MORC4: variants seen among roughly 807,000 people sequenced by gnomAD.
MORC4 encodes MORC family CW-type zinc finger protein 4.
Under a neutral mutation model 65.5 loss-of-function variants are expected in MORC4, and 22 were observed. That is an observed-to-expected ratio of 0.34 (90% CI 0.24 to 0.48). The LOEUF is 0.48. Among genes scored for constraint, MORC4 ranks in the 20% least tolerant of loss-of-function variants. The pLI is 0.99. For synonymous variants in MORC4, 267 were observed against 255.8 expected (o/e 1.04, Z -0.42); for missense variants, 624 against 703.0 (o/e 0.89, Z 1.27).
intron 3 of MORC4, among the ~76,000 whole-genome samples, chrX:106,992,515 G>A (rs1441155229): frequency 8.9e-6 from 1 of 112,564 alleles, no homozygotes. Flanking sequence ...ATAAATTTAC[G>A]TTCTCAACTA....
chrX:106,981,644 C>G (rs936165459), intron 5 of MORC4, among the ~76,000 whole-genome samples, 167 bp from the exon 6 acceptor site: 2 of 111,896 alleles, frequency 1.8e-5, no homozygotes, highest in African/African-American at 3.2e-5. Context: ...GGTAGAGGAT[C>G]AGACAATACT....
At chrX:106,948,940 T>TGAAAA (rs1933910593) in intron 14 of MORC4, among the ~76,000 whole-genome samples, 1 of 111,837 alleles carries the variant, frequency 8.9e-6, no homozygotes, top group Non-Finnish European at 1.9e-5. Context: ...CCTAGATGTA[T>TGAAAA]ACATTAATGT....
chrX:106,948,887 C>T (rs1399459439), intron 14 of MORC4, among the ~76,000 whole-genome samples: 1 of 111,424 alleles, frequency 9.0e-6, no homozygotes, highest in Admixed American at 9.5e-5. Context: ...ATGTGTCTGG[C>T]AATGAATCTC....
chrX:106,964,163 T>C (rs889182384), intron 9 of MORC4, among the ~76,000 whole-genome samples: 2 of 111,316 alleles, frequency 1.8e-5, no homozygotes, highest in Admixed American at 1.9e-4. Context: ...ATAAGCAAAA[T>C]AGAAAATCAA....
At chrX:106,943,334 G>C (rs767601098) in intron 14 of MORC4, 129 bp from the exon 15 acceptor site, 306 of 501,253 alleles carry the variant, frequency 6.1e-4, no homozygotes, top group South Asian at 8.4e-4. Context: ...ACAAGTCCAG[G>C]TTAGGGATAC....
chrX:106,994,313 G>A (rs747820061), intron 2 of MORC4, among the ~76,000 whole-genome samples: 4 of 111,670 alleles, frequency 3.6e-5, no homozygotes, highest in Non-Finnish European at 5.6e-5. Flanking sequence ...CAATCTGTTG[G>A]ATAGGTTCCT....
Position 106,940,852 on chromosome X carries a change from C to G in MORC4, c.*627G>C, listed in dbSNP as rs1480576627. Reference sequence around the variant, plus strand: ...AAAATATCAACCATAGTCCTACCACCTAAAGAACACTCACTGACAGTGTGG... The same window carrying G: ...AAAATATCAACCATAGTCCTACCACGTAAAGAACACTCACTGACAGTGTGG... On this transcript the variant is annotated 3_prime_UTR_variant, in exon 17 of 17. Coordinates refer to ENST00000355610, the MANE Select transcript of MORC4 (RefSeq NM_024657.5). 1 of 111,648 alleles carries G rather than the reference C, an allele frequency of 9.0e-6. No homozygotes were observed. Among genetic ancestry groups the G allele is most frequent in the African/African-American group, 3.3e-5 (1 of 30,636 alleles). The allele number at this position is 111,648 out of a possible 1,213,427, so 9.2% of individuals were successfully genotyped here. A position where few individuals can be genotyped will look rare whatever the true frequency, so the allele number is the denominator to read the frequency against.
intron 9 of MORC4, among the ~76,000 whole-genome samples, chrX:106,969,816 G>A (rs1281156971): frequency 1.8e-5 from 2 of 111,872 alleles, no homozygotes; most frequent in African/African-American, 6.5e-5. Flanking sequence ...AACAGGCTCT[G>A]AAATTGAGGC....
chrX:106,978,790 A>G (rs1372287641), intron 7 of MORC4, among the ~76,000 whole-genome samples: 1 of 111,882 alleles, frequency 8.9e-6, no homozygotes. Flanking sequence ...AAATGGTCCA[A>G]TACAAATCTG....
chrX:106,965,176 T>C (rs1483730718), intron 9 of MORC4, among the ~76,000 whole-genome samples: 2 of 112,095 alleles, frequency 1.8e-5, no homozygotes, highest in Admixed American at 9.5e-5. Flanking sequence ...TGTAATTCTG[T>C]GATAACAACT....
chrX:106,990,805 C>A (rs1264659708), intron 3 of MORC4, among the ~76,000 whole-genome samples: 1 of 110,748 alleles, frequency 9.0e-6, no homozygotes, highest in African/African-American at 3.3e-5. Context: ...CCAGGAGGGG[C>A]AGGTTGCAAT....
Position 106,999,978 on chromosome X carries a change from C to T in MORC4, c.-9G>A. Reference sequence around the variant, plus strand: ...CCTCGGTACAGGAGCATTTTTTTGGCCGCCACGGTACCCGTCTGCTGCCGC... The same window carrying T: ...CCTCGGTACAGGAGCATTTTTTTGGTCGCCACGGTACCCGTCTGCTGCCGC... On this transcript the variant is annotated 5_prime_UTR_variant, in exon 1 of 17. Coordinates refer to ENST00000355610, the MANE Select transcript of MORC4 (RefSeq NM_024657.5). 1.2e-6 allele frequency: 1 copy of T among 835,506 alleles called. No individual in the cohort carries two copies. Among genetic ancestry groups the T allele is most frequent in the Non-Finnish European group, 1.5e-6 (1 of 674,288 alleles). 68.9% of individuals were successfully genotyped at this position (835,506 alleles called of 1,213,427 possible). A position where few individuals can be genotyped will look rare whatever the true frequency, so the allele number is the denominator to read the frequency against.
At chrX:106,971,962 T>C (rs1934524286) in intron 9 of MORC4, among the ~76,000 whole-genome samples, 2 of 111,946 alleles carry the variant, frequency 1.8e-5, no homozygotes, top group South Asian at 7.6e-4. Context: ...GCAATCCCAT[T>C]ACTGGGTATA....
chrX:106,949,315 C>A (rs974864699), intron 14 of MORC4, among the ~76,000 whole-genome samples: 1 of 111,565 alleles, frequency 9.0e-6, no homozygotes, highest in African/African-American at 3.3e-5. Context: ...TCCTTTAGTT[C>A]TTTGAATGTG....
chrX:106,987,689 A>G (rs10521513), intron 3 of MORC4, among the ~76,000 whole-genome samples: 9,327 of 110,849 alleles, frequency 0.084, 1,009 homozygotes, highest in African/African-American at 0.29. Context: ...CTTCCTGAAG[A>G]TTGCGGTTTT....
At position 106,962,110 on chromosome X, in the gene MORC4, C is replaced by T. The variant is rs1934261906; in HGVS notation, c.1158G>A (p.Arg386=). 5.1e-6 allele frequency: 6 copies of T among 1,182,151 alleles called. No individual in the cohort carries two copies. Among genetic ancestry groups the T allele is most frequent in the Non-Finnish European group, 4.6e-6 (4 of 872,053 alleles). ...TCTGGGCAAGGGCATTTATTGTTAG[C>T]CTGAAAGAAAATGCAAGAAGTATGT... ...KQDFEYTKEY[R]LTINALAQKL... Residue 386 remains arginine, a splice_region_variant and synonymous_variant, in exon 10 of 17, where the codon CGG becomes CGA. Coordinates refer to ENST00000355610, the MANE Select transcript of MORC4 (RefSeq NM_024657.5).
Position 106,942,741 on chromosome X carries a change from T to C in MORC4, c.2150A>G (p.Glu717Gly), listed in dbSNP as rs748882023. ...AACTGCTTTTCGTCTCTCAGCAAGCTCCTCTCTGTTAAAAGGGATCAGCTG... is the reference window on the plus strand; with the variant it reads ...AACTGCTTTTCGTCTCTCAGCAAGCCCCTCTCTGTTAAAAGGGATCAGCTG... ...PIQLIPFNRE[E>G]LAERRKAVES... The change falls in exon 15 of 17, where the codon GAG becomes GGG. Residue 717 changes from glutamate (E) to glycine (G), a missense_variant. Glu to Gly is a moderately conservative substitution (Grantham distance 98). Coordinates refer to ENST00000355610, the MANE Select transcript of MORC4 (RefSeq NM_024657.5). 114 of 1,209,565 alleles carry C rather than the reference T, an allele frequency of 9.4e-5. No individual in the cohort carries two copies. The highest frequency in any genetic ancestry group is 1.2e-4 in the Non-Finnish European group (108 of 895,022).
At chrX:106,969,378 G>T (rs1934450960) in intron 9 of MORC4, among the ~76,000 whole-genome samples, 1 of 112,007 alleles carries the variant, frequency 8.9e-6, no homozygotes, top group Non-Finnish European at 1.9e-5. Context: ...AAACAGGAGA[G>T]ATCTAAAATC....
intron 5 of MORC4, among the ~76,000 whole-genome samples, chrX:106,982,385 C>T (rs1934765674): frequency 8.9e-6 from 1 of 111,774 alleles, no homozygotes; most frequent in South Asian, 3.8e-4. Flanking sequence ...AAGCTCAGAG[C>T]TGCTGTGTTG....
Sources: allele counts gnomAD v4.1 joint callset (sites outside exome capture counted in the v4.1 genomes callset), GRCh38; gene constraint gnomAD v4.1.1; transcripts MANE v1.5; gene names NCBI Gene and HGNC (gene_info 2026-07-23, HGNC 2026-07-21).